The following CATSPERE variants were observed in gnomAD, a reference collection of about 807,000 sequenced individuals.
CATSPERE encodes the protein catsper channel auxiliary subunit epsilon, also known as cation channel sperm-associated auxiliary subunit epsilon.
Under a neutral mutation model 114.1 loss-of-function variants are expected in CATSPERE, and 93 were observed. That is an observed-to-expected ratio of 0.81 (90% CI 0.69 to 0.97). The LOEUF (loss-of-function observed/expected upper bound fraction) is 0.97, where lower values mean the gene tolerates loss of function less well. Among genes scored for constraint, CATSPERE ranks in the 50% least tolerant of loss-of-function variants. CATSPERE has a pLI of 0.00. For synonymous variants in CATSPERE, 341 were observed against 384.1 expected (o/e 0.89, Z 1.31); for missense variants, 1,058 against 1,131.6 (o/e 0.93, Z 0.93).
upstream of CATSPERE, among the ~76,000 whole-genome samples, chr1:244,458,942 G>A (rs984589851): frequency 1.3e-5 from 2 of 152,168 alleles, no homozygotes; most frequent in East Asian, 1.9e-4. Context: ...CACACAGAGT[G>A]TCTGTGCAAG....
At chr1:244,528,472 TG>T (rs2148407235) in intron 8 of CATSPERE, among the ~76,000 whole-genome samples, 1 of 152,276 alleles carries the variant, frequency 6.6e-6, no homozygotes, top group Admixed American at 6.5e-5. Flanking sequence ...TGTTTAGTAC[TG>T]GGTAAACTAG....
At chr1:244,475,915 T>A (rs754673403) in intron 2 of CATSPERE, among the ~76,000 whole-genome samples, 2 of 152,234 alleles carry the variant, frequency 1.3e-5, no homozygotes, top group African/African-American at 2.4e-5. Context: ...TGCTTATGAA[T>A]CATTTAGAAG....
At chr1:244,474,737 CTT>C (rs751024910) in intron 2 of CATSPERE, among the ~76,000 whole-genome samples, 31 of 126,382 alleles carry the variant, frequency 2.5e-4, no homozygotes, top group Non-Finnish European at 3.0e-4. Context: ...TTTTCTTCTT[CTT>C]TTTTTTTTTT....
chr1:244,618,733 C>T (rs111705876), intron 20 of CATSPERE, among the ~76,000 whole-genome samples: 8 of 91,356 alleles, frequency 8.8e-5, no homozygotes, highest in South Asian at 8.6e-4. Flanking sequence ...GCTGAGATTG[C>T]GCCATTCATT....
intron 2 of CATSPERE, among the ~76,000 whole-genome samples, chr1:244,474,737 CTTT>C (rs751024910): frequency 1.6e-5 from 2 of 126,426 alleles, no homozygotes; most frequent in Non-Finnish European, 3.4e-5. Flanking sequence ...TTTTCTTCTT[CTTT>C]TTTTTTTTTT....
chr1:244,465,984 T>G (rs554597738), intron 2 of CATSPERE, among the ~76,000 whole-genome samples: 1 of 152,350 alleles, frequency 6.6e-6, no homozygotes, highest in Non-Finnish European at 1.5e-5. Flanking sequence ...TTAAATTAAC[T>G]AAGTATTCAT....
At chr1:244,583,481 G>C (rs1666546022) in intron 12 of CATSPERE, among the ~76,000 whole-genome samples, 1 of 152,192 alleles carries the variant, frequency 6.6e-6, no homozygotes, top group Non-Finnish European at 1.5e-5. Flanking sequence ...GTAGGAGCCA[G>C]AGGAGGAACC....
chr1:244,495,238 G>A (rs559392495), intron 6 of CATSPERE, among the ~76,000 whole-genome samples: 1 of 152,280 alleles, frequency 6.6e-6, no homozygotes, highest in South Asian at 2.1e-4. Context: ...AGAACAGAAT[G>A]TGAGCTTTCT....
chr1:244,462,318 GAC>G lies in CATSPERE; in HGVS notation c.65+826_65+827del, dbSNP rs530006533. Among the ~76,000 whole-genome samples, 24 of 152,224 alleles carry G rather than the reference GAC, an allele frequency of 1.6e-4. No individual in the cohort carries two copies. The East Asian group carries it at 4.4e-3, about 28-fold the overall frequency. ...TCCAACAAGAATACATTAAATATAA[GAC>G]ATAATTAATAAAGCAAGGATGAAAA... On this transcript the variant is annotated intron_variant, in intron 1 of 21. Coordinates refer to ENST00000366534, the MANE Select transcript of CATSPERE (RefSeq NM_001130957.2).
intron 20 of CATSPERE, among the ~76,000 whole-genome samples, chr1:244,626,685 TTCCTTAA>T (rs980274880): frequency 8.5e-5 from 13 of 152,152 alleles, no homozygotes; most frequent in Admixed American, 2.6e-4. Flanking sequence ...GATGGCTTCT[TTCCTTAA>T]ACCTCATAAA....
At chr1:244,516,566 G>A (rs1054290457) in intron 7 of CATSPERE, among the ~76,000 whole-genome samples, 3 of 151,506 alleles carry the variant, frequency 2.0e-5, no homozygotes, top group African/African-American at 7.3e-5. Flanking sequence ...CTGTTGCCCA[G>A]GCTGGAGTGC....
At chr1:244,515,266 C>G (rs1470223295) in intron 7 of CATSPERE, 68 of 918,882 alleles carry the variant, frequency 7.4e-5, no homozygotes, top group Non-Finnish European at 8.2e-5. Context: ...ACTGTTGTTC[C>G]TTCTGTCTAG....
At chr1:244,479,563 T>C (rs942791688) in intron 4 of CATSPERE, among the ~76,000 whole-genome samples, 154 bp from the exon 5 acceptor site, 7 of 152,214 alleles carry the variant, frequency 4.6e-5, no homozygotes, top group African/African-American at 1.7e-4. Flanking sequence ...TATATAAATA[T>C]TTAAATATAT....
upstream of CATSPERE, among the ~76,000 whole-genome samples, chr1:244,453,334 T>A (rs1665799302): frequency 6.6e-6 from 1 of 152,212 alleles, no homozygotes; most frequent in South Asian, 2.1e-4. Context: ...TCATTTCCAT[T>A]CAATTTTTTA....
chr1:244,565,238 G>T (rs1230742812), intron 10 of CATSPERE, among the ~76,000 whole-genome samples: 1 of 152,126 alleles, frequency 6.6e-6, no homozygotes, highest in Non-Finnish European at 1.5e-5. Context: ...GCCAGGTTTT[G>T]GTGTCAGAAT....
rs147528398 is a variant in CATSPERE, at chr1:244,616,145, C to G, written c.2491-1384C>G. Among the ~76,000 whole-genome samples the G allele has an allele frequency of 3.0e-3, 459 of 152,060 alleles. 1 individual carries two copies. Among genetic ancestry groups the G allele is most frequent in the African/African-American group, 0.011 (444 of 41,494 alleles). ...CTCCATCCCTAAAAACAAAACAAAA[C>G]AAAACACAGATTAATTCAACAAATG... On this transcript the variant is annotated intron_variant, in intron 19 of 21. Transcript: ENST00000366534.
At chr1:244,533,467 A>C (rs1679924302) in intron 8 of CATSPERE, among the ~76,000 whole-genome samples, 1 of 151,528 alleles carries the variant, frequency 6.6e-6, no homozygotes, top group Admixed American at 6.6e-5. Context: ...CCTTTCAGTG[A>C]AGGTGATTTT....
chr1:244,473,692 C>T (rs530115496), intron 2 of CATSPERE, among the ~76,000 whole-genome samples: 260 of 152,068 alleles, frequency 1.7e-3, no homozygotes, highest in African/African-American at 6.0e-3. Flanking sequence ...CCAAAGTCAC[C>T]GAGGTCTTCT....
chr1:244,536,482 T>C (rs1035726013), intron 8 of CATSPERE, among the ~76,000 whole-genome samples: 1 of 152,200 alleles, frequency 6.6e-6, no homozygotes, highest in Non-Finnish European at 1.5e-5. Context: ...CTCAAAATGT[T>C]CCCTCTGCGG....
Sources: allele counts gnomAD v4.1 joint callset (sites outside exome capture counted in the v4.1 genomes callset), GRCh38; gene constraint gnomAD v4.1.1; transcripts MANE v1.5; gene names NCBI Gene and HGNC (gene_info 2026-07-23, HGNC 2026-07-21).